Variants in MOB3A observed in about 807,000 individuals in gnomAD.
MOB3A encodes MOB kinase activator 3A.
Under a neutral mutation model 17.8 loss-of-function variants are expected in MOB3A, and 17 were observed. That is an observed-to-expected ratio of 0.95 (90% CI 0.65 to 1.43). The LOEUF is 1.43. MOB3A is among the 40% of genes most tolerant of loss of function. The pLI, the probability that MOB3A is intolerant of heterozygous loss-of-function variation, is 0.00. For missense variants in MOB3A, 333 were observed against 310.8 expected, an observed-to-expected ratio of 1.07 and a Z score of -0.54; for synonymous variants, 124 against 133.2, an observed-to-expected ratio of 0.93 and a Z score of 0.48.
intron 4 of MOB3A, among the ~76,000 whole-genome samples, chr19:2,074,744 G>A (rs965060711): frequency 1.3e-5 from 2 of 151,732 alleles, no homozygotes; most frequent in African/African-American, 4.8e-5. Context: ...CTGAGACAGA[G>A]TCTTGCTCTG....
chr19:2,091,713 A>T (rs2017616178), intron 1 of MOB3A, among the ~76,000 whole-genome samples: 1 of 151,032 alleles, frequency 6.6e-6, no homozygotes, highest in South Asian at 2.1e-4. Flanking sequence ...AAGAAGGAAT[A>T]AAAGCCGGGG....
rs1215196493 is a variant in MOB3A at position 2,082,485 on chromosome 19, C to G, written c.-120+2690G>C. On this transcript the variant is annotated intron_variant, in intron 2 of 4. Coordinates refer to ENST00000357066, the MANE Select transcript of MOB3A (RefSeq NM_130807.3). The surrounding 1 kb of genome is among the most constrained non-coding windows in gnomAD (Gnocchi z 4.1). ...ACTGATTCTACAGCAGTGTCTCACG[C>G]CACAGAGCTAGTGGGTGGATCGGCT... 6.6e-6 allele frequency among the ~76,000 whole-genome samples: 1 copy of G among 152,204 alleles called. No individual in the cohort carries two copies. The highest frequency in any genetic ancestry group is 2.4e-5 in the African/African-American group (1 of 41,454).
In MOB3A at chr19:2,073,136, C is replaced by T. The variant is rs777973138; in HGVS notation, c.*259G>A. 1.8e-6 allele frequency: 1 copy of T among 556,784 alleles called. No homozygotes were observed. The highest frequency in any genetic ancestry group is 3.2e-6 in the Non-Finnish European group (1 of 313,624). The allele number at this position is 556,784 out of a possible 1,614,324, so 34.5% of individuals were successfully genotyped here. On this transcript the variant is annotated 3_prime_UTR_variant, in exon 5 of 5. Transcript: ENST00000357066. ...GGAAGTGGTTTAAAAACACAGTGGG[C>T]TTTTCCGGTTGCTAGTAACACATAG... is the stretch of plus-strand genomic sequence containing the variant.
Position 2,071,082 on chromosome 19 carries a change from G to C in MOB3A, c.*2313C>G, listed in dbSNP as rs963824048. ...TTTTATTCCGTATCTGGCTGGGGGA[G>C]GGTGGTCTCCGAGGTGGATGGAGTG... On this transcript the variant is annotated 3_prime_UTR_variant, in exon 5 of 5. Transcript: ENST00000357066. 3 of 149,928 alleles carry C rather than the reference G, an allele frequency of 2.0e-5. No homozygotes were observed. Among genetic ancestry groups the C allele is most frequent in the East Asian group, 1.9e-4 (1 of 5,202 alleles). 9.3% of individuals were successfully genotyped at this position (149,928 alleles called of 1,614,324 possible).
rs1446086409 is a variant in MOB3A, at chr19:2,093,130, C to G, written c.-274+3096G>C. Reference sequence around the variant, plus strand: ...TTCTGAAACCTCCACCATCAGGTCCCTAAGGTGGGAGGATACCTCCTTGGA... The same window carrying G: ...TTCTGAAACCTCCACCATCAGGTCCGTAAGGTGGGAGGATACCTCCTTGGA... On this transcript the variant is annotated intron_variant, in intron 1 of 4. Transcript: ENST00000357066. This position sits in a 1 kb window ranked among gnomAD's most constrained non-coding sequence, Gnocchi z 4.6. 6.6e-6 allele frequency among the ~76,000 whole-genome samples: 1 copy of G among 152,120 alleles called. No individual in the cohort carries two copies. The highest frequency in any genetic ancestry group is 1.5e-5 in the Non-Finnish European group (1 of 68,012).
chr19:2,087,317 A>C (rs1324099370), intron 1 of MOB3A, among the ~76,000 whole-genome samples: 1 of 152,192 alleles, frequency 6.6e-6, no homozygotes, highest in African/African-American at 2.4e-5. Flanking sequence ...GCGTTGCGCA[A>C]ACACCACCTT....
At chr19:2,081,357 G>T (rs1298715054) in intron 2 of MOB3A, among the ~76,000 whole-genome samples, 5 of 152,182 alleles carry the variant, frequency 3.3e-5, no homozygotes, top group Non-Finnish European at 1.5e-5. Flanking sequence ...GGAGGCCGAG[G>T]CGGGTGGATC....
chr19:2,096,353 C>A (rs549022748), upstream of MOB3A: 1 of 154,830 alleles, frequency 6.5e-6, no homozygotes, highest in African/African-American at 2.4e-5. Context: ...CACACGCATG[C>A]CCGACCGCAC....
At position 2,078,647 on chromosome 19, in the gene MOB3A, ACACT is replaced by A. The variant is rs1466230076; in HGVS notation, c.-91_-88del. On this transcript the variant is annotated 5_prime_UTR_variant, in exon 3 of 5. Coordinates refer to ENST00000357066, the MANE Select transcript of MOB3A (RefSeq NM_130807.3). ...GCTGACCAACCCGAGAGGCCACGAA[ACACT>A]CACCAAGCCCCACAGCTCTCCCGCG... 7.6e-7 allele frequency: 1 copy of A among 1,323,880 alleles called. No individual in the cohort carries two copies. Among genetic ancestry groups the A allele is most frequent in the African/African-American group, 1.5e-5 (1 of 67,816 alleles). 82.0% of individuals were successfully genotyped at this position (1,323,880 alleles called of 1,614,324 possible).
At chr19:2,076,718 C>A (rs781472413) in intron 4 of MOB3A, 93 bp downstream of exon 4, 1 of 1,354,822 alleles carries the variant, frequency 7.4e-7, no homozygotes, top group Admixed American at 1.9e-5. Context: ...GGGCCGACCG[C>A]AAGCAGTCAG....
At chr19:2,081,445 A>G (rs1011942926) in intron 2 of MOB3A, among the ~76,000 whole-genome samples, 1 of 152,072 alleles carries the variant, frequency 6.6e-6, no homozygotes, top group Non-Finnish European at 1.5e-5. Flanking sequence ...AAAATTAGCC[A>G]GACATGGTGG....
At position 2,073,053 on chromosome 19, in the gene MOB3A, C is replaced by T. The variant is rs2017358860; in HGVS notation, c.*342G>A. On this transcript the variant is annotated 3_prime_UTR_variant, in exon 5 of 5. Transcript: ENST00000357066. ...GAGGTGGAGGCAGAAGTTCCAGGAGCCTGGGAGCCACCCAGGGCAAGGAGT... is the reference window on the plus strand; with the variant it reads ...GAGGTGGAGGCAGAAGTTCCAGGAGTCTGGGAGCCACCCAGGGCAAGGAGT... The T allele has an allele frequency of 2.9e-6, 1 of 344,474 alleles. No homozygotes were observed. 21.3% of individuals were successfully genotyped at this position (344,474 alleles called of 1,614,324 possible).
chr19:2,085,825 G>A (rs1286880352), intron 1 of MOB3A, among the ~76,000 whole-genome samples: 11 of 151,496 alleles, frequency 7.3e-5, no homozygotes, highest in Non-Finnish European at 1.3e-4. Context: ...ATAGCCGGGC[G>A]TAGTGGTGGG....
In MOB3A at chr19:2,074,120, C is replaced by T. The variant is rs151126655; in HGVS notation, c.625-696G>A. 8.1e-3 allele frequency among the ~76,000 whole-genome samples: 1,226 copies of T among 151,914 alleles called. 20 individuals are homozygous for T. Among genetic ancestry groups the T allele is most frequent in the African/African-American group, 0.026 (1,074 of 41,398 alleles). On this transcript the variant is annotated intron_variant, in intron 4 of 4. Transcript: ENST00000357066. Reference sequence around the variant, plus strand: ...CATCCTGGCTAACATGGTGAAACCCCGTCTCTACTAAAAATACAAAAAAAT... The same window carrying T: ...CATCCTGGCTAACATGGTGAAACCCTGTCTCTACTAAAAATACAAAAAAAT...
intron 1 of MOB3A, among the ~76,000 whole-genome samples, chr19:2,085,950 C>CA (rs1246144519): frequency 2.3e-5 from 2 of 85,872 alleles, no homozygotes; most frequent in East Asian, 7.0e-4. Flanking sequence ...GGCGACAGAG[C>CA]AAGACTCTGT....
rs1333854370 is a variant in MOB3A at position 2,073,434 on chromosome 19, G to A, written c.625-10C>T. 5 of 1,613,862 alleles carry A rather than the reference G, an allele frequency of 3.1e-6. No homozygotes were observed. The Admixed American group carries it at 6.7e-5, about 22-fold the overall frequency. On this transcript the variant is annotated splice_polypyrimidine_tract_variant and intron_variant, in intron 4 of 4. Coordinates refer to ENST00000357066, the MANE Select transcript of MOB3A (RefSeq NM_130807.3). ...GGGCGGTCATTTCTTTCTGTAAAGA[G>A]CAAGCAAGACATCAGCTCCCACCAG...
At chr19:2,094,919 C>T (rs1249269969) in intron 1 of MOB3A, among the ~76,000 whole-genome samples, 1 of 152,222 alleles carries the variant, frequency 6.6e-6, no homozygotes, top group Non-Finnish European at 1.5e-5. Flanking sequence ...GCCTGTAATC[C>T]CAGCACTTTG....
intron 1 of MOB3A, chr19:2,090,030 A>C (rs998944989): frequency 2.0e-5 from 3 of 152,226 alleles, no homozygotes; most frequent in Non-Finnish European, 4.4e-5. Flanking sequence ...CCTCTGATCT[A>C]ATCTACCAGG....
intron 1 of MOB3A, among the ~76,000 whole-genome samples, chr19:2,089,027 G>A (rs1226930772): frequency 6.6e-6 from 1 of 152,154 alleles, no homozygotes; most frequent in Non-Finnish European, 1.5e-5. Flanking sequence ...CTGCTTTCTG[G>A]GGAGCACTTC....
Sources: allele counts gnomAD v4.1 joint callset (sites outside exome capture counted in the v4.1 genomes callset), GRCh38; gene constraint gnomAD v4.1.1; non-coding constraint Gnocchi (gnomAD v3.1); transcripts MANE v1.5; gene names NCBI Gene and HGNC (gene_info 2026-07-23, HGNC 2026-07-21).